Variants in DLG2 observed in about 807,000 individuals in gnomAD.
DLG2 encodes discs large MAGUK scaffold protein 2, also known as disks large homolog 2.
In DLG2, 45 loss-of-function variants were observed where a neutral mutation model predicts 132.5. That is an observed-to-expected ratio of 0.34 (90% confidence interval 0.27 to 0.44). The LOEUF (loss-of-function observed/expected upper bound fraction) is 0.44. DLG2 is among the 20% of genes least tolerant of loss of function. The probability of loss-of-function intolerance (pLI) is 1.00; values close to 1 mark genes in which losing one functional copy is unlikely to be tolerated. For missense variants in DLG2, 1,045 were observed against 1,196.9 expected (o/e 0.87, Z 1.87); for synonymous variants, 424 against 419.6 (o/e 1.01, Z -0.13).
intron 2 of DLG2, among the ~76,000 whole-genome samples, chr11:85,600,472 C>T (rs1325447960): frequency 2.0e-5 from 3 of 152,226 alleles, no homozygotes; most frequent in South Asian, 2.1e-4. Flanking sequence ...CCTACACGCA[C>T]ATGAGTTTGT....
chr11:85,534,889 T>C (rs1450281589), intron 3 of DLG2, among the ~76,000 whole-genome samples: 1 of 152,192 alleles, frequency 6.6e-6, no homozygotes, highest in Non-Finnish European at 1.5e-5. Flanking sequence ...GGCGATTCTA[T>C]TTTCAGTTCT....
chr11:84,799,836 T>C (rs573886208), intron 6 of DLG2, among the ~76,000 whole-genome samples: 5 of 152,352 alleles, frequency 3.3e-5, no homozygotes, highest in African/African-American at 1.2e-4. Flanking sequence ...CTTTGGTCTC[T>C]AAGTGTTTTC....
At position 85,364,964 on chromosome 11, in the gene DLG2, A is replaced by G. The variant is rs2084427367; in HGVS notation, c.41-79599T>C. Among the ~76,000 whole-genome samples, 3 of 152,034 alleles carry G rather than the reference A, an allele frequency of 2.0e-5. 1 individual carries two copies. The South Asian group carries it at 6.2e-4, about 31-fold the overall frequency. Reference sequence around the variant, plus strand: ...GTGCTTCCATCTCCTAGAGAGGATTAGAATTATAGACGGGGGCAAGAAAGA... The same window carrying G: ...GTGCTTCCATCTCCTAGAGAGGATTGGAATTATAGACGGGGGCAAGAAAGA... On this transcript the variant is annotated intron_variant, in intron 3 of 27. Transcript: ENST00000376104.
At chr11:83,684,899 A>C (rs1365894927) in intron 18 of DLG2, among the ~76,000 whole-genome samples, 1 of 152,136 alleles carries the variant, frequency 6.6e-6, no homozygotes, top group Non-Finnish European at 1.5e-5. Flanking sequence ...ACGAATAATC[A>C]TAATTTTATA....
chr11:85,293,255 A>G (rs2079022543), intron 3 of DLG2, among the ~76,000 whole-genome samples: 1 of 152,100 alleles, frequency 6.6e-6, no homozygotes, highest in South Asian at 2.1e-4. Flanking sequence ...GCCTTATAGT[A>G]TCTCCCCACC....
chr11:85,513,025 A>C (rs2094108248), intron 3 of DLG2, among the ~76,000 whole-genome samples: 1 of 152,030 alleles, frequency 6.6e-6, no homozygotes, highest in Non-Finnish European at 1.5e-5. Context: ...AAAAGAACAA[A>C]ATCATGACCT....
intron 11 of DLG2, among the ~76,000 whole-genome samples, chr11:84,023,556 C>T (rs1384854262): frequency 6.6e-6 from 1 of 152,092 alleles, no homozygotes; most frequent in South Asian, 2.1e-4. Flanking sequence ...TATAATAGTA[C>T]AGTTGGCCAT....
intron 6 of DLG2, chr11:84,545,847 C>T (rs1191348470): frequency 6.4e-6 from 1 of 156,762 alleles, no homozygotes; most frequent in African/African-American, 2.5e-5. Context: ...CCTCTGCCTC[C>T]TGAGTTTAAG....
At chr11:83,669,362 C>G (rs1473606555) in intron 18 of DLG2, among the ~76,000 whole-genome samples, 2 of 152,114 alleles carry the variant, frequency 1.3e-5, no homozygotes, top group Non-Finnish European at 2.9e-5. Context: ...AAGAAACATT[C>G]TAGGCTGCTG....
chr11:84,379,072 C>A (rs1244303852), intron 7 of DLG2, among the ~76,000 whole-genome samples: 2 of 151,660 alleles, frequency 1.3e-5, no homozygotes, highest in African/African-American at 4.8e-5. Flanking sequence ...AACTCACCTT[C>A]AACCCAAGTC....
intron 15 of DLG2, among the ~76,000 whole-genome samples, chr11:83,894,188 C>G (rs1439498119): frequency 6.6e-6 from 1 of 152,184 alleles, no homozygotes; most frequent in Non-Finnish European, 1.5e-5. Context: ...TAGGACATTT[C>G]TGTATCTACT....
chr11:84,177,137 T>C (rs1452989754), intron 8 of DLG2, among the ~76,000 whole-genome samples: 2 of 151,932 alleles, frequency 1.3e-5, no homozygotes, highest in Non-Finnish European at 2.9e-5. Context: ...TGGAAGAAAA[T>C]TCAAATCATG....
intron 6 of DLG2, among the ~76,000 whole-genome samples, chr11:84,616,465 T>C (rs1262964056): frequency 2.6e-5 from 4 of 152,148 alleles, no homozygotes; most frequent in Non-Finnish European, 5.9e-5. Context: ...TTAGCACTAA[T>C]AGTTGCATGA....
intron 3 of DLG2, among the ~76,000 whole-genome samples, chr11:85,359,012 A>C (rs996146267): frequency 6.6e-6 from 1 of 152,224 alleles, no homozygotes; most frequent in African/African-American, 2.4e-5. Flanking sequence ...TATAAGAACC[A>C]AAAATTTAAA....
At chr11:85,482,679 G>A (rs2093326446) in intron 3 of DLG2, among the ~76,000 whole-genome samples, 1 of 151,972 alleles carries the variant, frequency 6.6e-6, no homozygotes, top group Non-Finnish European at 1.5e-5. Context: ...TATCAGGCAA[G>A]TACTTGTGAT....
intron 10 of DLG2, among the ~76,000 whole-genome samples, chr11:84,061,851 CAAAAAA>C (rs58817248): frequency 3.7e-4 from 50 of 135,960 alleles, no homozygotes; most frequent in Middle Eastern, 3.8e-3. Context: ...CTCTGATTGA[CAAAAAA>C]AAAAAAAAAA....
intron 18 of DLG2, among the ~76,000 whole-genome samples, chr11:83,782,238 A>G (rs547636012): frequency 4.0e-4 from 61 of 152,380 alleles, no homozygotes; most frequent in Non-Finnish European, 6.8e-4. Context: ...CTCAGCAAAC[A>G]TTTCTTAAGC....
intron 7 of DLG2, among the ~76,000 whole-genome samples, chr11:84,415,778 C>T (rs1353314663): frequency 5.9e-5 from 9 of 152,072 alleles, no homozygotes; most frequent in Admixed American, 5.9e-4. Context: ...GGTTGTGTGA[C>T]CTTTTACAGG....
At chr11:84,826,380 C>T (rs1317232843) in intron 6 of DLG2, among the ~76,000 whole-genome samples, 1 of 151,870 alleles carries the variant, frequency 6.6e-6, no homozygotes, top group Non-Finnish European at 1.5e-5. Flanking sequence ...CTTCCAGAAT[C>T]CATTCCACAT....
Sources: gnomAD v4.1 joint callset for allele counts (sites outside exome capture counted in the v4.1 genomes callset) on GRCh38, gnomAD v4.1.1 for gene constraint, MANE v1.5 for transcripts, NCBI Gene and HGNC (gene_info 2026-07-23, HGNC 2026-07-21) for gene names.